Variants in ATXN7L1 observed in about 807,000 individuals in gnomAD.
ATXN7L1 encodes the protein ataxin 7 like 1.
ATXN7L1 carries 15 observed loss-of-function variants against 70.8 expected under a neutral mutation model. The observed-to-expected ratio is 0.21, with a 90% confidence interval of 0.14 to 0.33. The LOEUF (loss-of-function observed/expected upper bound fraction) is 0.33. Ranked by LOEUF, ATXN7L1 falls within the 10% of genes least tolerant of loss-of-function variation. The pLI is 1.00. For missense variants in ATXN7L1, 975 were observed against 1,097.1 expected, an observed-to-expected ratio of 0.89 and a Z score of 1.57; for synonymous variants, 440 against 445.1, an observed-to-expected ratio of 0.99 and a Z score of 0.14.
chr7:105,614,570 G>A lies in ATXN7L1; in HGVS notation c.1764C>T (p.Ala588=), dbSNP rs1191104556. The stretch of plus-strand genomic sequence containing the variant: ...TTGAGTCCATGATGCTGAGGGTTGC[G>A]GCCACATGAGGGAAAGCTGTGGTGT... ...MSHTTAFPHV[A]ATLSIMDSTF... is the part of the protein sequence containing the mutation. Residue 588 remains alanine, a synonymous_variant, in exon 10 of 12, where the codon GCC becomes GCT. Transcript: ENST00000419735. The surrounding 1 kb of genome is among the most constrained non-coding windows in gnomAD (Gnocchi z 4.3). 42 of 1,550,196 alleles carry A rather than the reference G, an allele frequency of 2.7e-5. No homozygotes were observed. The highest frequency in any genetic ancestry group is 6.0e-5 in the South Asian group (5 of 83,824).
At chr7:105,653,585 G>T (rs1800177186) in intron 4 of ATXN7L1, among the ~76,000 whole-genome samples, 2 of 152,200 alleles carry the variant, frequency 1.3e-5, no homozygotes, top group Non-Finnish European at 2.9e-5. Flanking sequence ...GCTGTTAAAA[G>T]GTCCAGGCCT....
intron 2 of ATXN7L1, among the ~76,000 whole-genome samples, chr7:105,800,348 C>T (rs1261870531): frequency 2.0e-5 from 3 of 152,158 alleles, no homozygotes; most frequent in African/African-American, 7.2e-5. Context: ...TGCCAAAATC[C>T]TGTGTATCCT....
chr7:105,728,689 T>A (rs553946), intron 3 of ATXN7L1, among the ~76,000 whole-genome samples: 88,870 of 151,910 alleles, frequency 0.59, 27,303 homozygotes, highest in East Asian at 0.78. Flanking sequence ...CTATAAAAGG[T>A]GCCAGGACTC....
intron 4 of ATXN7L1, among the ~76,000 whole-genome samples, chr7:105,663,275 A>G (rs919590271): frequency 1.3e-5 from 2 of 152,216 alleles, no homozygotes; most frequent in Non-Finnish European, 2.9e-5. Context: ...CAACCCAAGG[A>G]GAACAAAGCT....
At chr7:105,675,159 A>G (rs1315768834) in intron 3 of ATXN7L1, among the ~76,000 whole-genome samples, 2 of 28,770 alleles carry the variant, frequency 7.0e-5, no homozygotes, top group Non-Finnish European at 1.6e-4. Flanking sequence ...ACTACAGTTA[A>G]AAAAAAAAAT....
intron 3 of ATXN7L1, among the ~76,000 whole-genome samples, chr7:105,765,826 G>A (rs192045348): frequency 4.3e-4 from 66 of 152,244 alleles, no homozygotes; most frequent in Non-Finnish European, 7.1e-4. Flanking sequence ...GCTTGGAGAC[G>A]ATGCTCCACA....
At chr7:105,723,513 T>C (rs1295466323) in intron 3 of ATXN7L1, among the ~76,000 whole-genome samples, 2 of 152,168 alleles carry the variant, frequency 1.3e-5, no homozygotes, top group Admixed American at 1.3e-4. Flanking sequence ...CACAGTTTTA[T>C]GATGTTATGG....
chr7:105,764,575 T>C (rs1305117147), intron 3 of ATXN7L1, among the ~76,000 whole-genome samples: 6 of 152,210 alleles, frequency 3.9e-5, no homozygotes, highest in Non-Finnish European at 8.8e-5. Context: ...CATTCAGTCA[T>C]AAGCTATTGA....
intron 9 of ATXN7L1, among the ~76,000 whole-genome samples, chr7:105,618,336 C>T (rs1794232265): frequency 6.6e-6 from 1 of 152,184 alleles, no homozygotes; most frequent in East Asian, 1.9e-4. Flanking sequence ...TTGGAATGGA[C>T]ACAAGTAAAT....
intron 2 of ATXN7L1, among the ~76,000 whole-genome samples, chr7:105,846,924 A>C (rs1393069306): frequency 1.3e-5 from 2 of 152,174 alleles, no homozygotes; most frequent in Non-Finnish European, 2.9e-5. Context: ...ATAGAGACAG[A>C]AAGTTGATTC....
At chr7:105,851,457 A>C (rs1454155851) in intron 2 of ATXN7L1, among the ~76,000 whole-genome samples, 1 of 148,504 alleles carries the variant, frequency 6.7e-6, no homozygotes, top group East Asian at 2.0e-4. Context: ...TCTATCTCCC[A>C]GTAAAAATCC....
intron 3 of ATXN7L1, among the ~76,000 whole-genome samples, chr7:105,686,114 T>G (rs1806156232): frequency 6.7e-6 from 1 of 148,884 alleles, no homozygotes; most frequent in Non-Finnish European, 1.5e-5. Context: ...CCAGGGGGAA[T>G]GAACACTAAG....
At chr7:105,677,618 A>G (rs948100930) in intron 3 of ATXN7L1, among the ~76,000 whole-genome samples, 2 of 152,222 alleles carry the variant, frequency 1.3e-5, no homozygotes, top group African/African-American at 4.8e-5. Flanking sequence ...GAAGGTGGCT[A>G]CCACAGTGCC....
chr7:105,733,564 ATCCT>A (rs1190532689), intron 3 of ATXN7L1, among the ~76,000 whole-genome samples: 28 of 51,122 alleles, frequency 5.5e-4, no homozygotes, highest in Admixed American at 2.3e-3. Context: ...CCACCCATCC[ATCCT>A]TCCATCCATC....
intron 3 of ATXN7L1, among the ~76,000 whole-genome samples, chr7:105,759,498 G>T (rs1186905928): frequency 6.9e-6 from 1 of 144,882 alleles, no homozygotes; most frequent in Non-Finnish European, 1.5e-5. Context: ...GTGTATGTCA[G>T]AGTGACCTAT....
intron 4 of ATXN7L1, among the ~76,000 whole-genome samples, chr7:105,652,648 C>T (rs1800028610): frequency 6.6e-6 from 1 of 152,214 alleles, no homozygotes; most frequent in Non-Finnish European, 1.5e-5. Context: ...AACCCTGACC[C>T]AAGGGGAGAC....
chr7:105,776,504 A>AAAC (rs1409064425), intron 3 of ATXN7L1, among the ~76,000 whole-genome samples: 1 of 146,462 alleles, frequency 6.8e-6, no homozygotes, highest in Non-Finnish European at 1.5e-5. Flanking sequence ...CCCCCCCCCC[A>AAAC]AAACAAACAA....
Position 105,693,952 on chromosome 7 carries a change from A to G in ATXN7L1, c.356-28664T>C, listed in dbSNP as rs374329313. On this transcript the variant is annotated intron_variant, in intron 3 of 11. Coordinates refer to ENST00000419735, the MANE Select transcript of ATXN7L1 (RefSeq NM_020725.2). ...TCCAAGACCAAGGAAGGAGCAGGGGAGGAAGAAGTCGGGAGCAAGAAGTCT... is the reference window on the plus strand; with the variant it reads ...TCCAAGACCAAGGAAGGAGCAGGGGGGGAAGAAGTCGGGAGCAAGAAGTCT... Among the ~76,000 whole-genome samples the G allele has an allele frequency of 3.9e-5, 6 of 152,090 alleles. No individual in the cohort carries two copies. In the East Asian group the frequency reaches 1.2e-3, roughly 29 times the overall value.
intron 3 of ATXN7L1, among the ~76,000 whole-genome samples, chr7:105,766,961 G>A (rs17152089): frequency 0.1 from 15,186 of 152,188 alleles, 1,185 homozygotes; most frequent in East Asian, 0.25. Flanking sequence ...CTGAAAGCCC[G>A]AAATTCAGTC....
Sources: gnomAD v4.1 joint callset for allele counts (sites outside exome capture counted in the v4.1 genomes callset) on GRCh38, gnomAD v4.1.1 for gene constraint, Gnocchi (gnomAD v3.1) non-coding constraint, MANE v1.5 for transcripts, NCBI Gene and HGNC (gene_info 2026-07-23, HGNC 2026-07-21) for gene names.